KHDRBS2: variants seen among roughly 807,000 people sequenced by gnomAD.
The protein encoded by KHDRBS2 is KH RNA binding domain containing, signal transduction associated 2, also known as KH domain-containing, RNA-binding, signal transduction-associated protein 2.
A neutral mutation model predicts 44.3 loss-of-function variants in KHDRBS2; 26 were observed. The ratio of observed to expected loss-of-function variants is 0.59; its 90% CI spans 0.43 to 0.81. The LOEUF is 0.81. Among genes scored for constraint, KHDRBS2 ranks in the 40% least tolerant of loss-of-function variants. The pLI, the probability that KHDRBS2 is intolerant of heterozygous loss-of-function variation, is 0.00. For synonymous variants in KHDRBS2, 194 were observed against 151.1 expected (o/e 1.28, Z -2.08); for missense variants, 476 against 433.1 (o/e 1.10, Z -0.88).
chr6:62,278,997 G>C (rs1841409002), intron 1 of KHDRBS2, among the ~76,000 whole-genome samples: 1 of 152,200 alleles, frequency 6.6e-6, no homozygotes, highest in Admixed American at 6.5e-5. Context: ...AGGAGGCTGA[G>C]ACAGGAGAAT....
At chr6:62,092,047 G>A (rs1263871470) in intron 2 of KHDRBS2, among the ~76,000 whole-genome samples, 1 of 152,086 alleles carries the variant, frequency 6.6e-6, no homozygotes, top group East Asian at 1.9e-4. Flanking sequence ...TACTTGGTAA[G>A]TAGGACTCTT....
chr6:62,139,516 A>G (rs1188329847), intron 2 of KHDRBS2, among the ~76,000 whole-genome samples: 6 of 151,142 alleles, frequency 4.0e-5, no homozygotes, highest in Non-Finnish European at 7.4e-5. Flanking sequence ...TCGCGCCACT[A>G]CACTCCAGCC....
chr6:62,067,533 C>T (rs1794021211), intron 2 of KHDRBS2, among the ~76,000 whole-genome samples: 1 of 151,544 alleles, frequency 6.6e-6, no homozygotes, highest in South Asian at 2.1e-4. Context: ...TAGAGCCCTC[C>T]AGAAAGTCTC....
chr6:62,053,448 A>G (rs1356732484), intron 2 of KHDRBS2, among the ~76,000 whole-genome samples: 2 of 152,032 alleles, frequency 1.3e-5, no homozygotes. Context: ...ATTGAGTTTT[A>G]TTTATCATAG....
chr6:61,770,356 GAGA>G (rs1258924290), intron 6 of KHDRBS2, among the ~76,000 whole-genome samples: 5 of 152,202 alleles, frequency 3.3e-5, no homozygotes, highest in Admixed American at 6.5e-5. Flanking sequence ...GCCGAGTTGA[GAGA>G]AGAAGGCTTT....
At chr6:61,689,272 C>T (rs1288175936) in intron 8 of KHDRBS2, among the ~76,000 whole-genome samples, 1 of 152,038 alleles carries the variant, frequency 6.6e-6, no homozygotes, top group East Asian at 1.9e-4. Context: ...GATTTGTACC[C>T]TTTTGCTATG....
At chr6:61,581,204 G>T in the KHDRBS2 span, among the ~76,000 whole-genome samples, 1 of 151,148 alleles carries the variant, frequency 6.6e-6, no homozygotes, top group Non-Finnish European at 1.5e-5. Flanking sequence ...ATGCAAAAGT[G>T]CATTGCCATG....
At chr6:61,798,546 T>G (rs567175291) in intron 6 of KHDRBS2, among the ~76,000 whole-genome samples, 67 of 152,274 alleles carry the variant, frequency 4.4e-4, no homozygotes, top group South Asian at 1.7e-3. Context: ...TTTTATGCTC[T>G]CTACTACAGT....
intron 7 of KHDRBS2, among the ~76,000 whole-genome samples, chr6:61,730,757 T>C (rs1354672438): frequency 6.6e-6 from 1 of 152,082 alleles, no homozygotes; most frequent in Non-Finnish European, 1.5e-5. Context: ...AATGTCCCTT[T>C]ACATATAAAT....
intron 4 of KHDRBS2, among the ~76,000 whole-genome samples, chr6:61,954,999 CAT>C (rs1326315710): frequency 2.0e-5 from 2 of 98,352 alleles, no homozygotes; most frequent in Non-Finnish European, 4.1e-5. Context: ...CATATATAGA[CAT>C]ACATATGTAT....
At chr6:61,801,544 T>C (rs1786278695) in intron 6 of KHDRBS2, among the ~76,000 whole-genome samples, 1 of 152,190 alleles carries the variant, frequency 6.6e-6, no homozygotes, top group African/African-American at 2.4e-5. Context: ...AGAACACTGA[T>C]GAATAGCTCA....
At chr6:61,893,878 C>G (rs1422925618) in intron 6 of KHDRBS2, among the ~76,000 whole-genome samples, 1 of 151,460 alleles carries the variant, frequency 6.6e-6, no homozygotes, top group Admixed American at 6.6e-5. Flanking sequence ...TGCACATGTA[C>G]CCTAAAACTT....
intron 3 of KHDRBS2, among the ~76,000 whole-genome samples, chr6:62,039,655 T>A (rs1197910825): frequency 6.6e-6 from 1 of 152,096 alleles, no homozygotes; most frequent in Non-Finnish European, 1.5e-5. Context: ...ACTAATGATG[T>A]AACAAGCTCA....
At chr6:61,779,397 T>C (rs1322843547) in intron 6 of KHDRBS2, among the ~76,000 whole-genome samples, 2 of 152,142 alleles carry the variant, frequency 1.3e-5, no homozygotes, top group Non-Finnish European at 1.5e-5. Flanking sequence ...AGGATGAAAA[T>C]AGTATGGGAA....
intron 6 of KHDRBS2, among the ~76,000 whole-genome samples, chr6:61,813,261 G>C (rs181286053): frequency 6.6e-6 from 1 of 152,110 alleles, no homozygotes; most frequent in African/African-American, 2.4e-5. Flanking sequence ...ATGAGGCATA[G>C]ACTACTCTGA....
chr6:61,970,941 A>C (rs539684142), intron 4 of KHDRBS2, among the ~76,000 whole-genome samples: 38 of 152,250 alleles, frequency 2.5e-4, no homozygotes, highest in Non-Finnish European at 5.0e-4. Context: ...TTGAAATGGC[A>C]ATTATAAATT....
chr6:61,869,759 G>C (rs1246183045), intron 6 of KHDRBS2, among the ~76,000 whole-genome samples: 2 of 152,086 alleles, frequency 1.3e-5, no homozygotes, highest in African/African-American at 4.8e-5. Flanking sequence ...TAAGGGATTG[G>C]GGAATTCTCT....
At chr6:62,038,413 TG>T (rs1362314981) in intron 3 of KHDRBS2, among the ~76,000 whole-genome samples, 2 of 152,112 alleles carry the variant, frequency 1.3e-5, no homozygotes, top group East Asian at 3.9e-4. Flanking sequence ...TAACAATGAT[TG>T]TGAAGAGCCC....
chr6:62,062,878 C>T (rs1484050317), intron 2 of KHDRBS2, among the ~76,000 whole-genome samples: 1 of 148,096 alleles, frequency 6.8e-6, no homozygotes, highest in Non-Finnish European at 1.5e-5. Flanking sequence ...TGATAGACTG[C>T]TAGCAAGACT....
Sources: gnomAD v4.1 joint callset for allele counts (sites outside exome capture counted in the v4.1 genomes callset) on GRCh38, gnomAD v4.1.1 for gene constraint, MANE v1.5 for transcripts, NCBI Gene and HGNC (gene_info 2026-07-23, HGNC 2026-07-21) for gene names.